Variants in ABCA3 observed in about 807,000 individuals in gnomAD.
ABCA3 encodes the protein phospholipid-transporting ATPase ABCA3.
Under a neutral mutation model 172.8 loss-of-function variants are expected in ABCA3, and 88 were observed. That is an observed-to-expected ratio of 0.51 (90% CI 0.43 to 0.61). The LOEUF (loss-of-function observed/expected upper bound fraction) is 0.61. Ranked by LOEUF, ABCA3 falls within the 20% of genes least tolerant of loss-of-function variation. The probability of loss-of-function intolerance (pLI) is 0.00; values close to 1 mark genes in which losing one functional copy is unlikely to be tolerated. For synonymous variants in ABCA3, 1,066 were observed against 983.8 expected, an observed-to-expected ratio of 1.08 and a Z score of -1.56; for missense variants, 2,164 against 2,301.0, an observed-to-expected ratio of 0.94 and a Z score of 1.22.
chr16:2,314,981 G>A (rs1218320286), intron 10 of ABCA3, among the ~76,000 whole-genome samples: 23 of 148,088 alleles, frequency 1.6e-4, no homozygotes, highest in Admixed American at 2.0e-4. Flanking sequence ...GGGTTCAAGC[G>A]ATGCTCCTGC....
chr16:2,339,575 G>C lies in ABCA3; in HGVS notation c.-539+998C>G, dbSNP rs1462112146. Reference sequence around the variant, plus strand: ...CCCAGACTATCTGAATAAAATGACGGGATGCCCAGGAGAAGAGTGAACCTC... The same window carrying C: ...CCCAGACTATCTGAATAAAATGACGCGATGCCCAGGAGAAGAGTGAACCTC... On this transcript the variant is annotated intron_variant, in intron 1 of 32. Coordinates refer to ENST00000301732, the MANE Select transcript of ABCA3 (RefSeq NM_001089.3). Among the ~76,000 whole-genome samples the C allele has an allele frequency of 3.3e-5, 5 of 152,310 alleles. No individual in the cohort carries two copies. In the East Asian group the frequency reaches 9.6e-4, roughly 29 times the overall value.
rs117271787 is a variant in ABCA3 at position 2,278,247 on chromosome 16, C to T, written c.4718+41G>A. 70 of 1,603,296 alleles carry T rather than the reference C, an allele frequency of 4.4e-5. No homozygotes were observed. In the East Asian group the frequency reaches 8.7e-4, roughly 20 times the overall value. On this transcript the variant is annotated intron_variant, in intron 30 of 32. Transcript: ENST00000301732. This position sits in a 1 kb window ranked among gnomAD's most constrained non-coding sequence, Gnocchi z 4.4. ...CCACCTGGCTCCTCCATGGCCCACC[C>T]GGTGCTGAAACTTCCAGTAACCCAC...
At position 2,326,185 on chromosome 16, in the gene ABCA3, C is replaced by T. The variant is rs565274415; in HGVS notation, c.144G>A (p.Ser48=). The T allele has an allele frequency of 1.4e-4, 223 of 1,614,124 alleles. No homozygotes were observed. In the South Asian group the frequency reaches 1.9e-3, roughly 14 times the overall value. The change falls in exon 5 of 33, where the codon TCG becomes TCA. Residue 48 remains serine, a synonymous_variant. Transcript: ENST00000301732. The part of the protein sequence containing the change: ...ILIWLRLKIQ[S]ENVPNATIYP... ...AGATGGTGGCGTTGGGCACATTTTC[C>T]GACTGAATCTTCAAGCGGAGCCAGA...
intron 8 of ABCA3, among the ~76,000 whole-genome samples, chr16:2,318,070 C>T (rs1443940366): frequency 6.6e-6 from 1 of 152,220 alleles, no homozygotes; most frequent in Non-Finnish European, 1.5e-5. Context: ...TGAGATCGTC[C>T]CCCGAAGCTA....
chr16:2,276,494 C>G lies in ABCA3; in HGVS notation c.*180G>C. On this transcript the variant is annotated 3_prime_UTR_variant, in exon 33 of 33. Transcript: ENST00000301732. ...AGACATGGAGATGCGCATGCTGATC[C>G]TGGGCATGAGGGCTGGGCTGCACTC... 1 of 1,046,216 alleles carries G rather than the reference C, an allele frequency of 9.6e-7. No individual in the cohort carries two copies. 64.8% of individuals were successfully genotyped at this position (1,046,216 alleles called of 1,614,324 possible).
intron 1 of ABCA3, among the ~76,000 whole-genome samples, chr16:2,337,095 A>G (rs76523519): frequency 7.1e-6 from 1 of 140,242 alleles, no homozygotes; most frequent in Non-Finnish European, 1.6e-5. Flanking sequence ...TTTTTTTTTT[A>G]GTAGAGACAG....
intron 7 of ABCA3, among the ~76,000 whole-genome samples, chr16:2,322,851 A>C (rs2093728241): frequency 6.6e-6 from 1 of 152,148 alleles, no homozygotes; most frequent in Non-Finnish European, 1.5e-5. Context: ...GGAAACTACC[A>C]TCAGAGTGAA....
intron 1 of ABCA3, among the ~76,000 whole-genome samples, 178 bp downstream of exon 1, chr16:2,340,395 G>A (rs1481357828): frequency 6.6e-6 from 1 of 151,544 alleles, no homozygotes; most frequent in African/African-American, 2.4e-5. Context: ...CGGCAGGAGG[G>A]GCGGGCGCGG....
At position 2,287,994 on chromosome 16, in the gene ABCA3, T is replaced by A. The variant is rs1361280915; in HGVS notation, c.3004+32A>T. 3.4e-5 allele frequency: 54 copies of A among 1,596,578 alleles called. No individual in the cohort carries two copies. Among genetic ancestry groups the A allele is most frequent in the Non-Finnish European group, 4.4e-5 (52 of 1,178,446 alleles). Reference sequence around the variant, plus strand: ...CTCTGGCTGCAGGACTGGCCCCCGATGCCCCCGTCCCGCCCCCGGGATGCC... The same window carrying A: ...CTCTGGCTGCAGGACTGGCCCCCGAAGCCCCCGTCCCGCCCCCGGGATGCC... On this transcript the variant is annotated intron_variant, in intron 21 of 32. Transcript: ENST00000301732. The surrounding 1 kb of genome is among the most constrained non-coding windows in gnomAD (Gnocchi z 4.1).
intron 3 of ABCA3, among the ~76,000 whole-genome samples, chr16:2,327,164 G>A (rs191445210): frequency 6.6e-6 from 1 of 152,188 alleles, no homozygotes; most frequent in Admixed American, 6.5e-5. Flanking sequence ...GCCCAGGCTG[G>A]AGTGCCATGG....
intron 1 of ABCA3, among the ~76,000 whole-genome samples, chr16:2,334,213 A>G (rs2093748045): frequency 6.6e-6 from 1 of 152,112 alleles, no homozygotes; most frequent in Non-Finnish European, 1.5e-5. Flanking sequence ...TGGGACAGGA[A>G]GGACATTACA....
Position 2,288,128 on chromosome 16 carries a change from C to A in ABCA3, c.2902G>T (p.Val968Leu). The change falls in exon 21 of 33, where the codon GTG (valine) becomes TTG (leucine). Residue 968 changes from valine (V) to leucine (L), a missense_variant. By Grantham distance (32) the Val-to-Leu change is conservative. Around this residue, in one of 3 missense-constraint regions of ABCA3, gnomAD observed 1,343 missense variants for 1,369.6 expected, o/e 0.98. Transcript: ENST00000301732. ...GAGGTCCCGGGAACTGAGAAGGGCA[C>A]GACGGTTCTGCCGTACTCGCCCAAG... Reference protein sequence around the residue: ...LTLGEYGRTVVPFSVPGTSQL... With the variant: ...LTLGEYGRTVLPFSVPGTSQL... 4 of 1,613,028 alleles carry A rather than the reference C, an allele frequency of 2.5e-6. No homozygotes were observed. Among genetic ancestry groups the A allele is most frequent in the Non-Finnish European group, 3.4e-6 (4 of 1,179,622 alleles).
At chr16:2,293,493 T>C (rs1733942582) in intron 18 of ABCA3, among the ~76,000 whole-genome samples, 1 of 144,688 alleles carries the variant, frequency 6.9e-6, no homozygotes, top group Non-Finnish European at 1.5e-5. Flanking sequence ...CACCTCAGCC[T>C]CCCAAGTGTC....
intron 8 of ABCA3, among the ~76,000 whole-genome samples, chr16:2,318,858 A>G (rs2093720909): frequency 6.6e-6 from 1 of 152,132 alleles, no homozygotes; most frequent in Non-Finnish European, 1.5e-5. Context: ...CAGCGGGAAG[A>G]GGAGCACAAT....
intron 7 of ABCA3, among the ~76,000 whole-genome samples, chr16:2,322,485 C>T (rs2093727616): frequency 6.7e-6 from 1 of 150,280 alleles, no homozygotes; most frequent in Middle Eastern, 3.4e-3. Context: ...CCCATTTACT[C>T]GTCATTTAAC....
chr16:2,297,393 G>A lies in ABCA3; in HGVS notation c.2199C>T (p.Ile733=), dbSNP rs138901284. 6.6e-4 allele frequency: 1,059 copies of A among 1,613,512 alleles called. 1 individual carries two copies. The highest frequency in any genetic ancestry group is 1.3e-3 in the East Asian group (59 of 44,854). ...GCAGCTCCCCCTTGGCCATGATGGCGATGCGGTCTCCCAGCAGGTCAGCCT... is the reference window on the plus strand; with the variant it reads ...GCAGCTCCCCCTTGGCCATGATGGCAATGCGGTCTCCCAGCAGGTCAGCCT... ...MDEADLLGDR[I]AIMAKGELQC... Residue 733 remains isoleucine, a synonymous_variant, in exon 17 of 33, where the codon ATC becomes ATT. Transcript: ENST00000301732. This position sits in a 1 kb window ranked among gnomAD's most constrained non-coding sequence, Gnocchi z 5.6.
intron 9 of ABCA3, 119 bp from the exon 10 acceptor site, chr16:2,317,522 T>C: frequency 1.3e-6 from 2 of 1,582,714 alleles, no homozygotes; most frequent in Non-Finnish European, 1.7e-6. Context: ...CATTGACAGC[T>C]CCTCTCCCCC....
chr16:2,297,493 C>G lies in ABCA3; in HGVS notation c.2099G>C (p.Arg700Thr). ...EPTSGMDAIS[R>T]RAIWDLLQRQ... ...CTGAAGAAGATCCCAGATGGCCCTC[C>G]TGGAGATGGCGTCCATGCCCGAGGT... is the stretch of plus-strand genomic sequence containing the variant. The change falls in exon 17 of 33, where the codon AGG becomes ACG. Residue 700 changes from arginine to threonine, a missense_variant. Transcript: ENST00000301732. The surrounding 1 kb of genome is among the most constrained non-coding windows in gnomAD (Gnocchi z 5.6). The G allele has an allele frequency of 6.2e-7, 1 of 1,613,526 alleles. No homozygotes were observed. Among genetic ancestry groups the G allele is most frequent in the Non-Finnish European group, 8.5e-7 (1 of 1,180,006 alleles).
chr16:2,289,401 C>T (rs1288119564), intron 20 of ABCA3, 33 bp downstream of exon 20: 1 of 1,553,054 alleles, frequency 6.4e-7, no homozygotes, highest in South Asian at 1.2e-5. Context: ...CTCGCCCTTC[C>T]CCCGCCACCC....
Sources: allele counts gnomAD v4.1 joint callset (sites outside exome capture counted in the v4.1 genomes callset), GRCh38; gene constraint gnomAD v4.1.1; regional missense constraint gnomAD v4.1.1; non-coding constraint Gnocchi (gnomAD v3.1); transcripts MANE v1.5; gene names NCBI Gene and HGNC (gene_info 2026-07-23, HGNC 2026-07-21).